The following ADCY10 variants were observed in gnomAD, a reference collection of about 807,000 sequenced individuals.
ADCY10 encodes adenylate cyclase 10.
A neutral mutation model predicts 183.3 loss-of-function variants in ADCY10; 156 were observed. That is an observed-to-expected ratio of 0.85 (90% CI 0.75 to 0.97). The LOEUF is 0.97. Among genes scored for constraint, ADCY10 ranks in the 50% least tolerant of loss-of-function variants. The pLI is 0.00. For synonymous variants in ADCY10, 645 were observed against 670.0 expected (o/e 0.96, Z 0.58); for missense variants, 1,745 against 1,934.3 (o/e 0.90, Z 1.84).
chr1:167,884,625 C>T (rs1558232296), intron 8 of ADCY10, among the ~76,000 whole-genome samples: 1 of 151,910 alleles, frequency 6.6e-6, no homozygotes, highest in Non-Finnish European at 1.5e-5. Context: ...CCTCCTCATC[C>T]CCCACTACCC....
intron 31 of ADCY10, among the ~76,000 whole-genome samples, chr1:167,816,763 T>C (rs1188413913): frequency 1.4e-5 from 2 of 146,820 alleles, no homozygotes; most frequent in Non-Finnish European, 3.1e-5. Flanking sequence ...CAAACTAAAA[T>C]TGAAGGAAGT....
chr1:167,817,475 C>T (rs1662602499), intron 31 of ADCY10, among the ~76,000 whole-genome samples: 2 of 152,196 alleles, frequency 1.3e-5, no homozygotes, highest in Non-Finnish European at 2.9e-5. Context: ...CGTGTCAACC[C>T]AACACCAGAG....
chr1:167,811,475 T>C (rs894189218), intron 31 of ADCY10, among the ~76,000 whole-genome samples: 1 of 152,134 alleles, frequency 6.6e-6, no homozygotes, highest in African/African-American at 2.4e-5. Context: ...TAGTCCCAGC[T>C]ACTCAGGAGG....
intron 30 of ADCY10, chr1:167,819,946 T>C: frequency 8.4e-7 from 1 of 1,192,678 alleles, no homozygotes. Flanking sequence ...CAACTTCATC[T>C]TCATCTGTGC....
At chr1:167,891,384 C>T (rs1668576583) in intron 8 of ADCY10, among the ~76,000 whole-genome samples, 1 of 151,842 alleles carries the variant, frequency 6.6e-6, no homozygotes. Flanking sequence ...GGGTCGGGCG[C>T]AGTGGCTCAC....
chr1:167,882,582 G>GT (rs745423984), intron 9 of ADCY10, among the ~76,000 whole-genome samples: 17 of 152,040 alleles, frequency 1.1e-4, no homozygotes, highest in Admixed American at 7.9e-4. Context: ...AACTGGAGGT[G>GT]TTGACATGGC....
rs1464153955 is a variant in ADCY10, at chr1:167,818,181, G to A, written c.4373C>T (p.Thr1458Ile). ...GTACCTAGATATTCCGTCATAGTAAGTAAGTGTCATGGTTCTTCTTGGCAA... is the reference window on the plus strand; with the variant it reads ...GTACCTAGATATTCCGTCATAGTAAATAAGTGTCATGGTTCTTCTTGGCAA... ...NLLPRRTMTL[T>I]YYDGISRYME... The change falls in exon 31 of 33, where the codon ACT becomes ATT. Residue 1458 changes from threonine (T) to isoleucine (I), a missense_variant. Physicochemically the swap from Thr to Ile is moderately conservative, Grantham distance 89. Coordinates refer to ENST00000367851, the MANE Select transcript of ADCY10 (RefSeq NM_018417.6). 2.5e-6 allele frequency: 4 copies of A among 1,614,176 alleles called. No individual in the cohort carries two copies. The South Asian group carries it at 3.3e-5, about 13-fold the overall frequency.
intron 7 of ADCY10, among the ~76,000 whole-genome samples, chr1:167,894,534 A>T (rs1379694643): frequency 1.3e-5 from 2 of 152,126 alleles, no homozygotes; most frequent in Non-Finnish European, 2.9e-5. Context: ...AGATGGTAGG[A>T]ATGAGTTTGA....
chr1:167,812,237 T>A (rs181954708), intron 31 of ADCY10, among the ~76,000 whole-genome samples: 8 of 152,346 alleles, frequency 5.3e-5, no homozygotes, highest in Admixed American at 2.6e-4. Context: ...CCCACTCCAG[T>A]TGAAGTGACT....
chr1:167,887,553 G>A (rs1379617819), intron 8 of ADCY10, among the ~76,000 whole-genome samples: 1 of 152,102 alleles, frequency 6.6e-6, no homozygotes, highest in Non-Finnish European at 1.5e-5. Flanking sequence ...CGTGGGCTGG[G>A]GGGAAGGGGG....
rs751347594 is a variant in ADCY10 at position 167,845,869 on chromosome 1, A to C, written c.2717-16T>G. 1.2e-5 allele frequency: 19 copies of C among 1,614,104 alleles called. 1 individual carries two copies. The South Asian group carries it at 1.8e-4, about 15-fold the overall frequency. On this transcript the variant is annotated splice_polypyrimidine_tract_variant and intron_variant, in intron 20 of 32. Transcript: ENST00000367851. ...TCACCGTGATCTGGAGAGAGCAAAA[A>C]GGGTTTTTCAGCCAGGCAGTGGGCA...
Position 167,846,188 on chromosome 1 carries a change from A to T in ADCY10, c.2513T>A (p.Leu838Gln), listed in dbSNP as rs1665015245. The T allele has an allele frequency of 6.2e-7, 1 of 1,614,248 alleles. No individual in the cohort carries two copies. Among genetic ancestry groups the T allele is most frequent in the Non-Finnish European group, 8.5e-7 (1 of 1,180,042 alleles). ...AAACAACAACTCAGTGGTGAAGGTCAGGCCAATGATGGCAGCACATCTCAC... is the reference window on the plus strand; with the variant it reads ...AAACAACAACTCAGTGGTGAAGGTCTGGCCAATGATGGCAGCACATCTCAC... ...MLVRCAAIIG[L>Q]TFTTELLFEI... Residue 838 changes from leucine to glutamine, a missense_variant, in exon 20 of 33, where the codon CTG (leucine) becomes CAG (glutamine). Transcript: ENST00000367851.
At chr1:167,874,694 AC>A (rs1242481297) in intron 13 of ADCY10, among the ~76,000 whole-genome samples, 1 of 152,254 alleles carries the variant, frequency 6.6e-6, no homozygotes, top group Non-Finnish European at 1.5e-5. Flanking sequence ...ATTCATAAGA[AC>A]CAAAAACTGG....
At chr1:167,909,202 T>C (rs554229225) in intron 1 of ADCY10, among the ~76,000 whole-genome samples, 2 of 152,342 alleles carry the variant, frequency 1.3e-5, no homozygotes, top group East Asian at 3.9e-4. Context: ...TGTTGTTGTA[T>C]ATCAATAATT....
At chr1:167,911,784 T>A (rs1009716472) in intron 1 of ADCY10, among the ~76,000 whole-genome samples, 4 of 152,152 alleles carry the variant, frequency 2.6e-5, no homozygotes, top group Non-Finnish European at 2.9e-5. Context: ...CAAACAGAGG[T>A]GATTTTAGTC....
intron 8 of ADCY10, among the ~76,000 whole-genome samples, chr1:167,887,806 C>A (rs1668332640): frequency 6.6e-6 from 1 of 151,242 alleles, no homozygotes. Flanking sequence ...GATGTTATCC[C>A]ATCTGTCCAT....
Position 167,898,921 on chromosome 1 carries a change from C to G in ADCY10, c.642+502G>C, listed in dbSNP as rs203773. Among the ~76,000 whole-genome samples the G allele has an allele frequency of 5.2e-3, 793 of 152,246 alleles. 8 individuals carry two copies. The highest frequency in any genetic ancestry group is 0.018 in the African/African-American group (751 of 41,530). On this transcript the variant is annotated intron_variant, in intron 6 of 32. Transcript: ENST00000367851. ...AGGGACAGTTCTGCTTATAGTCAAT[C>G]TGCAACTTAACCACAATGTTTTCTA...
intron 1 of ADCY10, among the ~76,000 whole-genome samples, chr1:167,912,506 G>A (rs1467714165): frequency 6.6e-6 from 1 of 152,326 alleles, no homozygotes; most frequent in African/African-American, 2.4e-5. Flanking sequence ...AGGGCTTTGT[G>A]AATGACATGC....
chr1:167,889,874 T>C (rs1668480024), intron 8 of ADCY10, among the ~76,000 whole-genome samples: 1 of 152,236 alleles, frequency 6.6e-6, no homozygotes, highest in Non-Finnish European at 1.5e-5. Context: ...TATTATCAGT[T>C]GTAATGTCTC....
Sources: allele counts gnomAD v4.1 joint callset (sites outside exome capture counted in the v4.1 genomes callset), GRCh38; gene constraint gnomAD v4.1.1; transcripts MANE v1.5; gene names NCBI Gene and HGNC (gene_info 2026-07-23, HGNC 2026-07-21).